USP19: variants seen among roughly 807,000 people sequenced by gnomAD.
The protein encoded by USP19 is ubiquitin carboxyl-terminal hydrolase 19.
Under a neutral mutation model 144.8 loss-of-function variants are expected in USP19, and 40 were observed. That is an observed-to-expected ratio of 0.28 (90% CI 0.21 to 0.36). The LOEUF (loss-of-function observed/expected upper bound fraction) is 0.36. Ranked by LOEUF, USP19 falls within the 10% of genes least tolerant of loss-of-function variation. The pLI, the probability that USP19 is intolerant of heterozygous loss-of-function variation, is 1.00. For missense variants in USP19, 1,518 were observed against 1,822.5 expected (o/e 0.83, Z 3.04); for synonymous variants, 701 against 709.3 (o/e 0.99, Z 0.19).
chr3:49,115,894 C>A lies in USP19; in HGVS notation c.1522G>T (p.Asp508Tyr). Residue 508 changes from aspartate (D) to tyrosine (Y), a missense_variant, in exon 11 of 27, where the codon GAT becomes TAT. Coordinates refer to ENST00000417901, the MANE Select transcript of USP19 (RefSeq NM_001199161.2). The surrounding 1 kb of genome is among the most constrained non-coding windows in gnomAD (Gnocchi z 6.6). Reference protein sequence around the residue: ...VAVPTGPTPLDSTPPGGAPHP... With the variant: ...VAVPTGPTPLYSTPPGGAPHP... ...GGAGCACCTCCTGGTGGGGTTGAAT[C>A]CAGAGGGGTTGGACCTGTCGGCACG... 1.3e-6 allele frequency: 2 copies of A among 1,587,276 alleles called. No homozygotes were observed. The highest frequency in any genetic ancestry group is 1.7e-6 in the Non-Finnish European group (2 of 1,167,448).
rs776405773 is a variant in USP19, at chr3:49,112,642, A to T, written c.2506-13T>A. 6.2e-7 allele frequency: 1 copy of T among 1,609,558 alleles called. No homozygotes were observed. The highest frequency in any genetic ancestry group is 1.1e-5 in the South Asian group (1 of 90,548). The stretch of plus-strand genomic sequence containing the variant: ...GATTCTTAATTACCTGGGGACAGAG[A>T]ACACACAGATCCCACGTGAGGATAA... On this transcript the variant is annotated splice_polypyrimidine_tract_variant and intron_variant, in intron 17 of 26. Transcript: ENST00000417901. This position sits in a 1 kb window ranked among gnomAD's most constrained non-coding sequence, Gnocchi z 4.9.
chr3:49,119,085 T>C lies in USP19; in HGVS notation c.61A>G (p.Thr21Ala), dbSNP rs368549759. The change falls in exon 2 of 27, where the codon ACT becomes GCT. Residue 21 changes from threonine (T) to alanine (A), a missense_variant. Physicochemically the swap from Thr to Ala is moderately conservative, Grantham distance 58. This residue lies in a region of USP19 where 707 missense variants were observed against 728.9 expected (regional missense o/e 0.97). Coordinates refer to ENST00000417901, the MANE Select transcript of USP19 (RefSeq NM_001199161.2). ...CGATCCTTCTGCTTCTTCTTACTAG[T>C]GGTGTCCTCCAGTCCTGGGGGCCCT... ...RRGPPGLEDT[T>A]SKKKQKDRAN... The C allele has an allele frequency of 1.2e-6, 2 of 1,614,066 alleles. No individual in the cohort carries two copies. The highest frequency in any genetic ancestry group is 1.7e-6 in the Non-Finnish European group (2 of 1,180,040).
At position 49,114,441 on chromosome 3, in the gene USP19, A is replaced by C. The variant is rs1286740216; in HGVS notation, c.2293-157T>G. ...TCAGGACACTAGACAGGGCAGGAGG[A>C]CCACCAGGAAATAACAATCCTTCTT... On this transcript the variant is annotated intron_variant, in intron 15 of 26. Coordinates refer to ENST00000417901, the MANE Select transcript of USP19 (RefSeq NM_001199161.2). This position sits in a 1 kb window ranked among gnomAD's most constrained non-coding sequence, Gnocchi z 4.5. 6.6e-6 allele frequency among the ~76,000 whole-genome samples: 1 copy of C among 152,158 alleles called. No individual in the cohort carries two copies. The highest frequency in any genetic ancestry group is 1.5e-5 in the Non-Finnish European group (1 of 68,030).
Position 49,116,245 on chromosome 3 carries a change from G to T in USP19, c.1355+35C>A. On this transcript the variant is annotated intron_variant, in intron 9 of 26. Coordinates refer to ENST00000417901, the MANE Select transcript of USP19 (RefSeq NM_001199161.2). This position sits in a 1 kb window ranked among gnomAD's most constrained non-coding sequence, Gnocchi z 5.0. ...CCAGGGAGATGGAGCCCACGGGGTAGGACAGGCACAGTGGTGGGGCCGGGC... is the reference window on the plus strand; with the variant it reads ...CCAGGGAGATGGAGCCCACGGGGTATGACAGGCACAGTGGTGGGGCCGGGC... 1 of 1,613,640 alleles carries T rather than the reference G, an allele frequency of 6.2e-7. No individual in the cohort carries two copies. The highest frequency in any genetic ancestry group is 8.5e-7 in the Non-Finnish European group (1 of 1,179,836).
rs372353593 is a variant in USP19, at chr3:49,116,108, G to A, written c.1410C>T (p.Asp470=). 302 of 1,613,202 alleles carry A rather than the reference G, an allele frequency of 1.9e-4. No homozygotes were observed. The highest frequency in any genetic ancestry group is 2.3e-4 in the Non-Finnish European group (273 of 1,179,838). Residue 470 remains aspartate, a synonymous_variant, in exon 10 of 27, where the codon GAC becomes GAT. Coordinates refer to ENST00000417901, the MANE Select transcript of USP19 (RefSeq NM_001199161.2). The surrounding 1 kb of genome is among the most constrained non-coding windows in gnomAD (Gnocchi z 5.0). ...GACTCTGCCTCTTACGAAGGCAGAT[G>A]TCGATGCGAGAAGCCGTGAAACAGA... The part of the protein sequence containing the change: ...CTFCFTASRI[D]ICLRKRQSQR...
Position 49,108,581 on chromosome 3 carries a change from C to T in USP19, c.4039-53G>A. 7.9e-7 allele frequency: 1 copy of T among 1,260,138 alleles called. No individual in the cohort carries two copies. The highest frequency in any genetic ancestry group is 3.3e-5 in the East Asian group (1 of 30,054). 78.1% of individuals were successfully genotyped at this position (1,260,138 alleles called of 1,614,324 possible). On this transcript the variant is annotated intron_variant, in intron 26 of 26. Coordinates refer to ENST00000417901, the MANE Select transcript of USP19 (RefSeq NM_001199161.2). This position sits in a 1 kb window ranked among gnomAD's most constrained non-coding sequence, Gnocchi z 4.8. The stretch of plus-strand genomic sequence containing the variant: ...GGGGGCTGCCCAGCATGCCGCCTGG[C>T]ATCCCGGGGGTGCTGGCTTGGAGCC...
In USP19 at chr3:49,117,305, C is replaced by A. The variant is rs760951159; in HGVS notation, c.663G>T (p.Gly221=). The A allele has an allele frequency of 2.5e-6, 4 of 1,583,496 alleles. No homozygotes were observed. The highest frequency in any genetic ancestry group is 1.8e-5 in the Admixed American group (1 of 56,522). ...LVPGLRCQEN[G]QELSPIALEP... is the part of the protein sequence containing the mutation. ...CCAGGGCAATGGGAGACAGTTCCTG[C>A]CCATTCTCCTGGCACCGCAGCCCCG... The change falls in exon 6 of 27, where the codon GGG becomes GGT. Residue 221 remains glycine, a synonymous_variant. Transcript: ENST00000417901. This position sits in a 1 kb window ranked among gnomAD's most constrained non-coding sequence, Gnocchi z 4.4.
chr3:49,117,129 C>A lies in USP19; in HGVS notation c.839G>T (p.Gly280Val). The A allele has an allele frequency of 6.5e-7, 1 of 1,544,904 alleles. No homozygotes were observed. The highest frequency in any genetic ancestry group is 2.0e-5 in the Admixed American group (1 of 50,298). Residue 280 changes from glycine to valine, a missense_variant, in exon 6 of 27, where the codon GGG becomes GTG. Transcript: ENST00000417901. This position sits in a 1 kb window ranked among gnomAD's most constrained non-coding sequence, Gnocchi z 4.4. Reference protein sequence around the residue: ...RAVHLCRGPEGDGSRDDPGPR... With the variant: ...RAVHLCRGPEVDGSRDDPGPR... ...TCCAGGGTCATCCCTGGACCCGTCC[C>A]CCTCTGGCCCTCTGCAGAGATGCAC...
rs778546706 is a variant in USP19, at chr3:49,110,456, G to A, written c.3847C>T (p.Arg1283Cys). 142 of 1,613,912 alleles carry A rather than the reference G, an allele frequency of 8.8e-5. No individual in the cohort carries two copies. The highest frequency in any genetic ancestry group is 1.6e-4 in the Middle Eastern group (1 of 6,084). Residue 1283 changes from arginine to cysteine, a missense_variant, in exon 25 of 27, where the codon CGC becomes TGC. Physicochemically the swap from Arg to Cys is radical, Grantham distance 180. Transcript: ENST00000417901. This position sits in a 1 kb window ranked among gnomAD's most constrained non-coding sequence, Gnocchi z 6.1. The stretch of plus-strand genomic sequence containing the variant: ...TGTGTGCCCTCACCCACGTCACTGC[G>A]CTGACTGCTACGATCATTGGGCAGG... ...ARLPNDRSSQ[R>C]SDVGWRLFDD...
chr3:49,109,215 C>G, intron 26 of USP19: 1 of 1,454,496 alleles, frequency 6.9e-7, no homozygotes, highest in Non-Finnish European at 9.1e-7. Context: ...CCATCAGCAC[C>G]CCGGGGGTGG....
intron 2 of USP19, 39 bp from the exon 3 acceptor site, chr3:49,118,159 G>A: frequency 2.4e-6 from 2 of 834,486 alleles, no homozygotes; most frequent in Non-Finnish European, 3.7e-6. Context: ...AGCATGGTGA[G>A]GAGGCTGAGG....
chr3:49,116,266 C>A lies in USP19; in HGVS notation c.1355+14G>T. Reference sequence around the variant, plus strand: ...GGTAGGACAGGCACAGTGGTGGGGCCGGGCACCACCCACCTGAGCTTCACC... The same window carrying A: ...GGTAGGACAGGCACAGTGGTGGGGCAGGGCACCACCCACCTGAGCTTCACC... On this transcript the variant is annotated intron_variant, in intron 9 of 26. Coordinates refer to ENST00000417901, the MANE Select transcript of USP19 (RefSeq NM_001199161.2). This position sits in a 1 kb window ranked among gnomAD's most constrained non-coding sequence, Gnocchi z 5.0. 6.2e-7 allele frequency: 1 copy of A among 1,613,496 alleles called. No individual in the cohort carries two copies. Among genetic ancestry groups the A allele is most frequent in the East Asian group, 2.2e-5 (1 of 44,844 alleles).
Position 49,115,924 on chromosome 3 carries a change from C to A in USP19, c.1492G>T (p.Val498Phe), listed in dbSNP as rs892518917. 2 of 1,560,206 alleles carry A rather than the reference C, an allele frequency of 1.3e-6. No individual in the cohort carries two copies. The highest frequency in any genetic ancestry group is 2.7e-5 in the African/African-American group (2 of 73,026). Residue 498 changes from valine to phenylalanine, a missense_variant, in exon 11 of 27, where the codon GTT (valine) becomes TTT (phenylalanine). By Grantham distance (50) the Val-to-Phe change is conservative. Around this residue, in one of 5 missense-constraint regions of USP19, gnomAD observed 707 missense variants for 728.9 expected, o/e 0.97. Transcript: ENST00000417901. This position sits in a 1 kb window ranked among gnomAD's most constrained non-coding sequence, Gnocchi z 6.6. ...AARGAVGGAKVAVPTGPTPLD... is the reference protein window; with the variant it reads ...AARGAVGGAKFAVPTGPTPLD... ...GGGGTTGGACCTGTCGGCACGGCAA[C>A]CTTTGCACCACCCACTGCACCTTAA...
In USP19 at chr3:49,119,154, G is replaced by A. The variant is rs201146848; in HGVS notation, c.-9C>T. The A allele has an allele frequency of 1.4e-3, 2,262 of 1,608,960 alleles. 4 individuals carry two copies. Among genetic ancestry groups the A allele is most frequent in the Middle Eastern group, 6.6e-3 (40 of 6,048 alleles). ...CTGGCCCCGCCAGACATCTTGAGCC[G>A]CTTGGTCGACAGCCAGAGTGCCCCG... On this transcript the variant is annotated 5_prime_UTR_variant, in exon 2 of 27. Transcript: ENST00000417901.
chr3:49,108,813 C>T lies in USP19; in HGVS notation c.4039-285G>A, dbSNP rs1575412800. 1.4e-6 allele frequency: 2 copies of T among 1,442,488 alleles called. No individual in the cohort carries two copies. The highest frequency in any genetic ancestry group is 5.0e-5 in the East Asian group (2 of 39,696). The allele number at this position is 1,442,488 out of a possible 1,614,324, so 89.4% of individuals were successfully genotyped here. A position where few individuals can be genotyped will look rare whatever the true frequency, so the allele number is the denominator to read the frequency against. On this transcript the variant is annotated intron_variant, in intron 26 of 26. Transcript: ENST00000417901. This position sits in a 1 kb window ranked among gnomAD's most constrained non-coding sequence, Gnocchi z 4.8. Reference sequence around the variant, plus strand: ...GGATACACACCCTAGGATACTCTGCCCCTGCAGGGGCCACAACCTCCCCAC... The same window carrying T: ...GGATACACACCCTAGGATACTCTGCTCCTGCAGGGGCCACAACCTCCCCAC...
In USP19 at chr3:49,115,600, GGC is replaced by G; in HGVS notation, c.1730_1731del (p.Ser577ThrfsTer3). 6.2e-7 allele frequency: 1 copy of G among 1,610,800 alleles called. No individual in the cohort carries two copies. The highest frequency in any genetic ancestry group is 2.2e-5 in the East Asian group (1 of 44,816). The stretch of plus-strand genomic sequence containing the variant: ...TCCTCCACGCTGTCTCCACTAACTG[GGC>G]TGTGGGGCATGGGAGGCACCATGCA... ...PTCMVPPMPH[S>X]PVSGDSVEEE... On this transcript the variant is annotated frameshift_variant, in exon 12 of 27. Coordinates refer to ENST00000417901, the MANE Select transcript of USP19 (RefSeq NM_001199161.2). LOFTEE classifies it high-confidence loss of function. This position sits in a 1 kb window ranked among gnomAD's most constrained non-coding sequence, Gnocchi z 6.6.
chr3:49,117,790 A>G lies in USP19; in HGVS notation c.339T>C (p.Thr113=). The G allele has an allele frequency of 6.2e-7, 1 of 1,614,164 alleles. No individual in the cohort carries two copies. The change falls in exon 4 of 27, where the codon ACT becomes ACC. Residue 113 remains threonine, a synonymous_variant. Transcript: ENST00000417901. The surrounding 1 kb of genome is among the most constrained non-coding windows in gnomAD (Gnocchi z 4.4). ...EDPHDLLATP[T]PELLLDWRQS... The stretch of plus-strand genomic sequence containing the variant: ...GCCTCCAATCGAGCAACAACTCTGG[A>G]GTGGGAGTAGCCAAGAGATCATGAG...
At chr3:49,109,557 A>T (rs1209972962) in intron 26 of USP19, among the ~76,000 whole-genome samples, 1 of 152,188 alleles carries the variant, frequency 6.6e-6, no homozygotes, top group Non-Finnish European at 1.5e-5. Context: ...CCATACCCAG[A>T]TCCTGACCAG....
Position 49,117,100 on chromosome 3 carries a change from G to A in USP19, c.868C>T (p.Arg290Trp), listed in dbSNP as rs753869533. 21 of 1,523,998 alleles carry A rather than the reference G, an allele frequency of 1.4e-5. No homozygotes were observed. Among genetic ancestry groups the A allele is most frequent in the Middle Eastern group, 1.7e-4 (1 of 5,884 alleles). The allele number at this position is 1,523,998 out of a possible 1,614,324, so 94.4% of individuals were successfully genotyped here. ...GDGSRDDPGP[R>W]GDAPPFVADP... ...GCCACGAAGGGTGGGGCATCACCCC[G>A]GGGTCCAGGGTCATCCCTGGACCCG... The change falls in exon 6 of 27, where the codon CGG (arginine) becomes TGG (tryptophan). Residue 290 changes from arginine to tryptophan, a missense_variant. Arg to Trp is a moderately radical substitution (Grantham distance 101). This residue lies in a region of USP19 where 707 missense variants were observed against 728.9 expected (regional missense o/e 0.97). Coordinates refer to ENST00000417901, the MANE Select transcript of USP19 (RefSeq NM_001199161.2). The surrounding 1 kb of genome is among the most constrained non-coding windows in gnomAD (Gnocchi z 4.4).
Sources: allele counts gnomAD v4.1 joint callset (sites outside exome capture counted in the v4.1 genomes callset), GRCh38; gene constraint gnomAD v4.1.1; regional missense constraint gnomAD v4.1.1; non-coding constraint Gnocchi (gnomAD v3.1); transcripts MANE v1.5; gene names NCBI Gene and HGNC (gene_info 2026-07-23, HGNC 2026-07-21).